The following TMTC1 variants were observed in gnomAD, a reference collection of about 807,000 sequenced individuals.
TMTC1 encodes transmembrane O-mannosyltransferase targeting cadherins 1, also known as protein O-mannosyl-transferase TMTC1.
A neutral mutation model predicts 104.8 loss-of-function variants in TMTC1; 73 were observed. The ratio of observed to expected loss-of-function variants is 0.70; its 90% CI spans 0.58 to 0.85. TMTC1 has a LOEUF of 0.85. TMTC1 is among the 40% of genes least tolerant of loss of function. TMTC1 has a pLI of 0.00. For missense variants in TMTC1, 1,035 were observed against 1,096.1 expected (o/e 0.94, Z 0.79); for synonymous variants, 434 against 428.7 (o/e 1.01, Z -0.15).
chr12:29,700,862 A>G (rs1941569361), intron 5 of TMTC1, among the ~76,000 whole-genome samples: 1 of 152,164 alleles, frequency 6.6e-6, no homozygotes, highest in Non-Finnish European at 1.5e-5. Flanking sequence ...AGCACTCTGT[A>G]AAGGCTGTTT....
chr12:29,688,436 C>T (rs982203896), intron 5 of TMTC1, among the ~76,000 whole-genome samples: 1 of 152,184 alleles, frequency 6.6e-6, no homozygotes, highest in Admixed American at 6.5e-5. Context: ...GGTTATTAGA[C>T]ATCTGTTCCC....
At chr12:29,700,824 T>A (rs1326910651) in intron 5 of TMTC1, among the ~76,000 whole-genome samples, 1 of 152,178 alleles carries the variant, frequency 6.6e-6, no homozygotes, top group Admixed American at 6.5e-5. Context: ...ATATGTGATG[T>A]CTCACAGCCA....
intron 9 of TMTC1, among the ~76,000 whole-genome samples, chr12:29,563,964 C>T (rs550041164): frequency 5.3e-5 from 8 of 152,024 alleles, no homozygotes; most frequent in Non-Finnish European, 1.2e-4. Context: ...AGACATTCAC[C>T]AAGGTTTTTC....
chr12:29,618,282 A>T (rs1373692384), intron 6 of TMTC1, among the ~76,000 whole-genome samples: 1 of 152,190 alleles, frequency 6.6e-6, no homozygotes, highest in Non-Finnish European at 1.5e-5. Context: ...TCAAAAGTTA[A>T]ATTTCAGAAT....
At chr12:29,543,955 A>C (rs982704513) in intron 10 of TMTC1, among the ~76,000 whole-genome samples, 4 of 152,150 alleles carry the variant, frequency 2.6e-5, no homozygotes, top group African/African-American at 9.7e-5. Context: ...ATTTTAAAAA[A>C]TATTTTCGCC....
chr12:29,516,305 T>C (rs1943984202), intron 15 of TMTC1, 44 bp downstream of exon 15: 1 of 1,583,652 alleles, frequency 6.3e-7, no homozygotes, highest in Non-Finnish European at 8.6e-7. Flanking sequence ...CACCCCATGT[T>C]TAACCTATGA....
chr12:29,539,249 T>G (rs893573956), intron 10 of TMTC1, among the ~76,000 whole-genome samples: 1 of 152,162 alleles, frequency 6.6e-6, no homozygotes, highest in Non-Finnish European at 1.5e-5. Context: ...TTTCTGATGT[T>G]AGTAGCATCC....
chr12:29,630,852 C>T (rs1224161953), intron 6 of TMTC1, among the ~76,000 whole-genome samples: 1 of 152,122 alleles, frequency 6.6e-6, no homozygotes, highest in African/African-American at 2.4e-5. Flanking sequence ...TCCAAAATGT[C>T]TGAATCATTT....
chr12:29,606,567 C>G (rs1324662333), intron 6 of TMTC1, among the ~76,000 whole-genome samples: 1 of 152,152 alleles, frequency 6.6e-6, no homozygotes, highest in Non-Finnish European at 1.5e-5. Context: ...AGCTAAAATA[C>G]TTTTTTACAA....
At chr12:29,700,157 T>C (rs1002986047) in intron 5 of TMTC1, among the ~76,000 whole-genome samples, 19 of 152,162 alleles carry the variant, frequency 1.2e-4, no homozygotes, top group Admixed American at 9.8e-4. Flanking sequence ...CAAGGGATCC[T>C]GCTGCCTCAG....
At chr12:29,687,172 A>G (rs1173212185) in intron 5 of TMTC1, among the ~76,000 whole-genome samples, 2 of 152,232 alleles carry the variant, frequency 1.3e-5, no homozygotes, top group Non-Finnish European at 2.9e-5. Flanking sequence ...TTTCCACAAT[A>G]TACTTATTAA....
intron 2 of TMTC1, among the ~76,000 whole-genome samples, 188 bp downstream of exon 2, chr12:29,767,706 TAATA>T (rs66661546): frequency 0.39 from 59,776 of 151,786 alleles, 12,259 homozygotes; most frequent in Admixed American, 0.54. Flanking sequence ...ATAAACACTT[TAATA>T]GAGTGAACTC....
At chr12:29,635,393 A>C in intron 5 of TMTC1, among the ~76,000 whole-genome samples, 1 of 152,162 alleles carries the variant, frequency 6.6e-6, no homozygotes, top group South Asian at 2.1e-4. Context: ...CATCAAACTT[A>C]GAAGAAAAAA....
intron 5 of TMTC1, among the ~76,000 whole-genome samples, chr12:29,747,004 T>C (rs1592004542): frequency 6.6e-6 from 1 of 152,188 alleles, no homozygotes; most frequent in South Asian, 2.1e-4. Flanking sequence ...ATCCATAATA[T>C]ACCCTGAAGG....
At chr12:29,643,642 T>TATA (rs1448819138) in intron 5 of TMTC1, among the ~76,000 whole-genome samples, 2 of 19,342 alleles carry the variant, frequency 1.0e-4, no homozygotes, top group African/African-American at 5.5e-4. Context: ...ATATATAATA[T>TATA]ATATGTTATA....
rs149836845 is a variant in TMTC1, at chr12:29,758,751, G to A, written c.507C>T (p.Asp169=). 3.4e-4 allele frequency: 554 copies of A among 1,610,508 alleles called. No homozygotes were observed. Among genetic ancestry groups the A allele is most frequent in the Non-Finnish European group, 4.4e-4 (519 of 1,178,772 alleles). ...ATAGAAACAGCAGACACGCTAACAC[G>A]TCCGCTCTGCCAACGATCCCAGCCA... is the stretch of plus-strand genomic sequence containing the variant. ...EAVAGIVGRA[D]VLACLLFLLA... Residue 169 remains aspartate (D), a synonymous_variant, in exon 3 of 18, where the codon GAC becomes GAT. Coordinates refer to ENST00000539277, the MANE Select transcript of TMTC1 (RefSeq NM_001193451.2).
chr12:29,636,889 T>TAA (rs77211591), intron 5 of TMTC1, among the ~76,000 whole-genome samples: 6 of 128,624 alleles, frequency 4.7e-5, no homozygotes, highest in Non-Finnish European at 5.1e-5. Context: ...TACAAAAAAT[T>TAA]AAAAAAAAAA....
At chr12:29,780,086 G>A (rs1414807870) in intron 1 of TMTC1, among the ~76,000 whole-genome samples, 2 of 152,164 alleles carry the variant, frequency 1.3e-5, no homozygotes, top group Non-Finnish European at 2.9e-5. Flanking sequence ...AAACAGTATG[G>A]CAGCTTCATA....
At chr12:29,665,185 GA>G (rs1268244183) in intron 5 of TMTC1, among the ~76,000 whole-genome samples, 42 of 152,290 alleles carry the variant, frequency 2.8e-4, no homozygotes, top group East Asian at 1.4e-3. Context: ...AGGGATTCGT[GA>G]AAAGTCAAAT....
Sources: allele counts gnomAD v4.1 joint callset (sites outside exome capture counted in the v4.1 genomes callset), GRCh38; gene constraint gnomAD v4.1.1; transcripts MANE v1.5; gene names NCBI Gene and HGNC (gene_info 2026-07-23, HGNC 2026-07-21).